CDK20: variants seen among roughly 807,000 people sequenced by gnomAD.
The protein encoded by CDK20 is cyclin dependent kinase 20, also known as cyclin-dependent kinase 20.
Under a neutral mutation model 38.6 loss-of-function variants are expected in CDK20, and 40 were observed. The observed-to-expected ratio is 1.04, with a 90% confidence interval of 0.81 to 1.35. CDK20 has a LOEUF of 1.35. Ranked by LOEUF, CDK20 falls within the 40% of genes most tolerant of loss-of-function variation. CDK20 has a pLI of 0.00. For missense variants in CDK20, 512 were observed against 452.6 expected, an observed-to-expected ratio of 1.13 and a Z score of -1.19; for synonymous variants, 209 against 185.7, an observed-to-expected ratio of 1.13 and a Z score of -1.02.
chr9:87,971,068 C>T (rs1829816531), intron 3 of CDK20, 79 bp downstream of exon 3: 2 of 1,528,320 alleles, frequency 1.3e-6, no homozygotes, highest in Admixed American at 1.8e-5. Context: ...CTTCTTATCA[C>T]ACCTTTTACA....
chr9:87,968,993 T>C, intron 7 of CDK20: 1 of 592,222 alleles, frequency 1.7e-6, no homozygotes, highest in Non-Finnish European at 2.9e-6. Context: ...AGTCTGGGGA[T>C]GTCCAGTGGG....
chr9:87,968,882 G>A lies in CDK20; in HGVS notation c.843+312C>T, dbSNP rs1260682740. The stretch of plus-strand genomic sequence containing the variant: ...ATGAGTCCCCAGTGACTCTCTTACT[G>A]TATCTGCCACAGGGTCAGGGGCAGC... On this transcript the variant is annotated intron_variant, in intron 7 of 7. Coordinates refer to ENST00000325303, the MANE Select transcript of CDK20 (RefSeq NM_001039803.3). The A allele has an allele frequency of 2.3e-5, 9 of 386,370 alleles. No homozygotes were observed. In the East Asian group the frequency reaches 2.3e-4, roughly 10 times the overall value. 23.9% of individuals were successfully genotyped at this position (386,370 alleles called of 1,614,324 possible). A position where few individuals can be genotyped will look rare whatever the true frequency, so the allele number is the denominator to read the frequency against.
At chr9:87,968,976 C>T in intron 7 of CDK20, 1 of 568,780 alleles carries the variant, frequency 1.8e-6, no homozygotes, top group Non-Finnish European at 3.1e-6. Flanking sequence ...GGGCCACCCT[C>T]AGGGGAAGTC....
At chr9:87,974,150 C>T (rs1264102646) in intron 1 of CDK20, 115 bp from the exon 2 acceptor site, 1 of 1,547,620 alleles carries the variant, frequency 6.5e-7, no homozygotes. Flanking sequence ...CGGCCAGAGG[C>T]CCTCCTCGGG....
chr9:87,971,462 C>T (rs965527164), intron 2 of CDK20, 127 bp from the exon 3 acceptor site: 12 of 799,660 alleles, frequency 1.5e-5, no homozygotes, highest in South Asian at 1.4e-4. Flanking sequence ...AAGAAGGTGA[C>T]GTGGACCTGA....
chr9:87,970,605 ACAGGAGCT>A lies in CDK20; in HGVS notation c.518_525del (p.Glu173ValfsTer7). The A allele has an allele frequency of 1.9e-6, 3 of 1,614,056 alleles. No homozygotes were observed. Among genetic ancestry groups the A allele is most frequent in the South Asian group, 2.2e-5 (2 of 91,080 alleles). On this transcript the variant is annotated frameshift_variant, in exon 5 of 8. Transcript: ENST00000325303. LOFTEE classifies it high-confidence loss of function. ...CCCTGGTCATACTGGCGGGCACCATACAGGAGCTCGGGGGCTCGGTACCACCTGCGAGG... is the reference window on the plus strand; with the variant it reads ...CCCTGGTCATACTGGCGGGCACCATACGGGGGCTCGGTACCACCTGCGAGG...
At chr9:87,970,369 C>A (rs1829760889) in intron 5 of CDK20, 199 bp downstream of exon 5, 3 of 578,204 alleles carry the variant, frequency 5.2e-6, no homozygotes, top group African/African-American at 3.7e-5. Context: ...TCTCATCCCA[C>A]CTGGCCCCTA....
chr9:87,971,015 G>T, intron 3 of CDK20, 118 bp from the exon 4 acceptor site: 2 of 1,511,628 alleles, frequency 1.3e-6, no homozygotes, highest in Non-Finnish European at 9.0e-7. Flanking sequence ...CCAGGGCCAT[G>T]CCCTGGCCAC....
At chr9:87,967,702 C>G in intron 7 of CDK20, 43 bp from the exon 8 acceptor site, 2 of 1,431,224 alleles carry the variant, frequency 1.4e-6, no homozygotes, top group Non-Finnish European at 1.9e-6. Context: ...AACTAGTCAC[C>G]TCCCTGTCCC....
intron 7 of CDK20, chr9:87,967,954 A>G (rs1282474678): frequency 7.6e-6 from 2 of 263,130 alleles, no homozygotes; most frequent in Non-Finnish European, 1.4e-5. Context: ...AGCAAGACAG[A>G]GGAATGAGGA....
intron 1 of CDK20, 152 bp from the exon 2 acceptor site, chr9:87,974,187 C>T (rs1830067712): frequency 7.2e-7 from 1 of 1,392,442 alleles, no homozygotes; most frequent in African/African-American, 1.4e-5. Context: ...GGGACCCAGC[C>T]GCTGGGGTAG....
At position 87,969,927 on chromosome 9, in the gene CDK20, C is replaced by A; in HGVS notation, c.564-8G>T. On this transcript the variant is annotated splice_region_variant and splice_polypyrimidine_tract_variant and intron_variant, in intron 5 of 7. Coordinates refer to ENST00000325303, the MANE Select transcript of CDK20 (RefSeq NM_001039803.3). ...ATGATGCAGCCCACAGACCTGTGGACACAGAGCCCCAAGCAGGTCAGAGAT... is the reference window on the plus strand; with the variant it reads ...ATGATGCAGCCCACAGACCTGTGGAAACAGAGCCCCAAGCAGGTCAGAGAT... 1 of 1,552,146 alleles carries A rather than the reference C, an allele frequency of 6.4e-7. No individual in the cohort carries two copies. The highest frequency in any genetic ancestry group is 8.7e-7 in the Non-Finnish European group (1 of 1,147,432).
rs977854784 is a variant in CDK20, at chr9:87,969,415, G to C, written c.688-66C>G. 4.5e-6 allele frequency: 7 copies of C among 1,546,174 alleles called. No homozygotes were observed. The Admixed American group carries it at 6.9e-5, about 15-fold the overall frequency. On this transcript the variant is annotated intron_variant, in intron 6 of 7. Coordinates refer to ENST00000325303, the MANE Select transcript of CDK20 (RefSeq NM_001039803.3). Reference sequence around the variant, plus strand: ...CCCGACCCTTGCCATGCTCTCTGCTGTCAACTCTCAGCCCCTAACACACAC... The same window carrying C: ...CCCGACCCTTGCCATGCTCTCTGCTCTCAACTCTCAGCCCCTAACACACAC...
At chr9:87,968,925 C>T (rs1466705917) in intron 7 of CDK20, 21 of 472,120 alleles carry the variant, frequency 4.4e-5, no homozygotes, top group Admixed American at 2.5e-4. Context: ...CCTGCACTCC[C>T]GGACACGCGC....
intron 3 of CDK20, 42 bp from the exon 4 acceptor site, chr9:87,970,939 A>G (rs369332486): frequency 7.4e-6 from 12 of 1,611,762 alleles, no homozygotes; most frequent in Non-Finnish European, 1.0e-5. Flanking sequence ...CAAATCCCCC[A>G]TAGGACCTTG....
intron 6 of CDK20, 53 bp from the exon 7 acceptor site, chr9:87,969,402 C>T: frequency 6.3e-7 from 1 of 1,583,170 alleles, no homozygotes; most frequent in Non-Finnish European, 8.6e-7. Context: ...CGACCCTTGC[C>T]ATGCTCTCTG....
chr9:87,973,721 G>A (rs970253347), intron 2 of CDK20, among the ~76,000 whole-genome samples: 1 of 152,132 alleles, frequency 6.6e-6, no homozygotes, highest in Non-Finnish European at 1.5e-5. Flanking sequence ...AGAAATGAAA[G>A]AAATAGGTAA....
chr9:87,969,612 G>C lies in CDK20; in HGVS notation c.687+184C>G, dbSNP rs928633389. On this transcript the variant is annotated intron_variant, in intron 6 of 7. Transcript: ENST00000325303. ...TGGGGTGAAAAGGGACAAAGGACAG[G>C]ATCTACCCCAACCCAAATGACAGCA... The C allele has an allele frequency of 3.1e-6, 3 of 963,914 alleles. No homozygotes were observed. The African/African-American group carries it at 4.9e-5, about 16-fold the overall frequency. 59.7% of individuals were successfully genotyped at this position (963,914 alleles called of 1,614,324 possible).
chr9:87,969,024 C>T (rs1245177969), intron 7 of CDK20, 170 bp downstream of exon 7: 2 of 729,704 alleles, frequency 2.7e-6, no homozygotes, highest in East Asian at 2.7e-5. Flanking sequence ...GAGAGGCACA[C>T]CTGCTCCAAG....
Sources: allele counts gnomAD v4.1 joint callset (sites outside exome capture counted in the v4.1 genomes callset), GRCh38; gene constraint gnomAD v4.1.1; transcripts MANE v1.5; gene names NCBI Gene and HGNC (gene_info 2026-07-23, HGNC 2026-07-21).